The following BAZ2B variants were observed in gnomAD, a reference collection of about 807,000 sequenced individuals.
The protein encoded by BAZ2B is bromodomain adjacent to zinc finger domain protein 2B.
BAZ2B carries 91 observed loss-of-function variants against 246.0 expected under a neutral mutation model. The observed-to-expected ratio is 0.37, with a 90% confidence interval of 0.31 to 0.44. The LOEUF is 0.44. BAZ2B is among the 20% of genes least tolerant of loss of function. The pLI is 1.00. For missense variants in BAZ2B, 2,332 were observed against 2,533.7 expected (o/e 0.92, Z 1.71); for synonymous variants, 855 against 860.0 (o/e 0.99, Z 0.10).
intron 1 of BAZ2B, among the ~76,000 whole-genome samples, chr2:159,614,090 A>T (rs1238225834): frequency 1.3e-5 from 2 of 152,202 alleles, no homozygotes; most frequent in Admixed American, 1.3e-4. Context: ...TTGTTAGAAG[A>T]GATGTAAATA....
chr2:159,660,016 A>G, the BAZ2B span, among the ~76,000 whole-genome samples: 1 of 152,320 alleles, frequency 6.6e-6, no homozygotes, highest in East Asian at 1.9e-4. Context: ...GGAATTAAGC[A>G]CATTCATAAT....
intron 2 of BAZ2B, among the ~76,000 whole-genome samples, chr2:159,544,613 T>G (rs2087080683): frequency 6.6e-6 from 1 of 152,186 alleles, no homozygotes; most frequent in Non-Finnish European, 1.5e-5. Flanking sequence ...ATGGAGGTTC[T>G]GCAATTTAAA....
intron 1 of BAZ2B, among the ~76,000 whole-genome samples, chr2:159,556,521 C>CTTTT (rs60164408): frequency 6.6e-5 from 10 of 151,776 alleles, no homozygotes; most frequent in African/African-American, 2.2e-4. Context: ...AGTGCAGTGG[C>CTTTT]GCGATCGTGG....
At chr2:159,676,760 C>T in the BAZ2B span, among the ~76,000 whole-genome samples, 1 of 150,874 alleles carries the variant, frequency 6.6e-6, no homozygotes, top group African/African-American at 2.4e-5. Flanking sequence ...AGACTGGGTG[C>T]AATAGGGAGT....
chr2:159,410,587 T>C (rs1488808857), intron 14 of BAZ2B, among the ~76,000 whole-genome samples: 10 of 152,188 alleles, frequency 6.6e-5, no homozygotes, highest in Admixed American at 4.6e-4. Context: ...CATGCGAAAC[T>C]GTGAGTCAAT....
At chr2:159,364,384 C>T (rs1374786121) in intron 27 of BAZ2B, among the ~76,000 whole-genome samples, 1 of 152,150 alleles carries the variant, frequency 6.6e-6, no homozygotes, top group East Asian at 1.9e-4. Flanking sequence ...ATTAAGTCCA[C>T]ATGTCAGTTG....
intron 1 of BAZ2B, among the ~76,000 whole-genome samples, chr2:159,608,613 G>T (rs1293603692): frequency 6.6e-6 from 1 of 152,100 alleles, no homozygotes; most frequent in Non-Finnish European, 1.5e-5. Context: ...AGAAATAAAT[G>T]AAAGGACAAT....
intron 28 of BAZ2B, 40 bp from the exon 29 acceptor site, chr2:159,349,320 T>C (rs2058313044): frequency 6.7e-7 from 1 of 1,496,388 alleles, no homozygotes; most frequent in Admixed American, 2.4e-5. Context: ...AGTAGATTAC[T>C]CTAAGAAGTT....
chr2:159,464,038 T>C (rs2076740186), intron 3 of BAZ2B: 1 of 152,096 alleles, frequency 6.6e-6, no homozygotes, highest in African/African-American at 2.4e-5. Flanking sequence ...TTGAGATTAT[T>C]TTGACTCACA....
chr2:159,441,966 T>C (rs1159811623), intron 6 of BAZ2B, among the ~76,000 whole-genome samples: 1 of 152,208 alleles, frequency 6.6e-6, no homozygotes, highest in Admixed American at 6.5e-5. Flanking sequence ...TTCAAGGCTA[T>C]GATGTACCAG....
At chr2:159,501,561 A>C (rs542479501) in intron 2 of BAZ2B, among the ~76,000 whole-genome samples, 1 of 152,206 alleles carries the variant, frequency 6.6e-6, no homozygotes, top group African/African-American at 2.4e-5. Context: ...ATTATTCTAA[A>C]AATGACCATT....
intron 2 of BAZ2B, among the ~76,000 whole-genome samples, chr2:159,510,175 C>CT (rs1459709743): frequency 6.6e-6 from 1 of 151,710 alleles, no homozygotes; most frequent in African/African-American, 2.4e-5. Flanking sequence ...GAAGTTACTG[C>CT]TTTTTTTTAT....
chr2:159,640,872 G>A, the BAZ2B span, among the ~76,000 whole-genome samples: 73 of 150,472 alleles, frequency 4.9e-4, no homozygotes, highest in African/African-American at 1.7e-3. Flanking sequence ...TCCAAGATTA[G>A]TAGAAGAAAA....
chr2:159,629,697 A>G, the BAZ2B span, among the ~76,000 whole-genome samples: 1 of 152,202 alleles, frequency 6.6e-6, no homozygotes, highest in South Asian at 2.1e-4. Context: ...TAGGGGAGGG[A>G]TAGCATTAGG....
chr2:159,617,324 C>T (rs755671568), upstream of BAZ2B, among the ~76,000 whole-genome samples: 1 of 152,098 alleles, frequency 6.6e-6, no homozygotes, highest in Non-Finnish European at 1.5e-5. Context: ...ACTCCCCCAA[C>T]CCCAATTCCC....
At chr2:159,412,656 A>G in intron 13 of BAZ2B, 111 bp from the exon 14 acceptor site, 2 of 977,598 alleles carry the variant, frequency 2.0e-6, no homozygotes, top group African/African-American at 1.6e-5. Flanking sequence ...AATTTACAAC[A>G]TTAGTATAAG....
At chr2:159,336,129 C>G (rs939859487) in intron 33 of BAZ2B, among the ~76,000 whole-genome samples, 3 of 152,144 alleles carry the variant, frequency 2.0e-5, no homozygotes, top group African/African-American at 7.2e-5. Context: ...CCACTGCACT[C>G]CAGCCTGGGT....
chr2:159,437,059 T>A (rs1276445326), intron 8 of BAZ2B, among the ~76,000 whole-genome samples: 1 of 152,188 alleles, frequency 6.6e-6, no homozygotes, highest in Non-Finnish European at 1.5e-5. Context: ...GTAGCACTCA[T>A]AGATATTATT....
chr2:159,602,552 T>C (rs1692411015), intron 1 of BAZ2B, among the ~76,000 whole-genome samples: 1 of 152,216 alleles, frequency 6.6e-6, no homozygotes, highest in African/African-American at 2.4e-5. Context: ...AGTATGGTTA[T>C]GATGAAAATA....
Sources: allele counts gnomAD v4.1 joint callset (sites outside exome capture counted in the v4.1 genomes callset), GRCh38; gene constraint gnomAD v4.1.1; transcripts MANE v1.5; gene names NCBI Gene and HGNC (gene_info 2026-07-23, HGNC 2026-07-21).